The following CSMD2 variants were observed in gnomAD, a reference collection of about 807,000 sequenced individuals.
The protein encoded by CSMD2 is CUB and Sushi multiple domains 2, also known as CUB and sushi domain-containing protein 2.
Under a neutral mutation model 398.5 loss-of-function variants are expected in CSMD2, and 130 were observed. The observed-to-expected ratio is 0.33, with a 90% CI of 0.28 to 0.38. The LOEUF (loss-of-function observed/expected upper bound fraction) is 0.38, where lower values mean the gene tolerates loss of function less well. CSMD2 is among the 10% of genes least tolerant of loss of function. The pLI, the probability that CSMD2 is intolerant of heterozygous loss-of-function variation, is 1.00. For missense variants in CSMD2, 3,829 were observed against 4,764.9 expected, an observed-to-expected ratio of 0.80 and a Z score of 5.78; for synonymous variants, 1,828 against 1,908.5, an observed-to-expected ratio of 0.96 and a Z score of 1.10.
In CSMD2 at chr1:33,624,539, G is replaced by A; in HGVS notation, c.5605C>T (p.Pro1869Ser). 1 of 1,613,894 alleles carries A rather than the reference G, an allele frequency of 6.2e-7. No homozygotes were observed. The highest frequency in any genetic ancestry group is 1.7e-5 in the Admixed American group (1 of 60,024). Residue 1869 changes from proline (P) to serine (S), a missense_variant, in exon 35 of 71, where the codon CCC becomes TCC. This residue lies in a region of CSMD2 where 2,001 missense variants were observed against 2,567.1 expected (regional missense o/e 0.78). Transcript: ENST00000373381. This position sits in a 1 kb window ranked among gnomAD's most constrained non-coding sequence, Gnocchi z 4.7. ...CCTACCTGGATGCCAGCGCCTTCGGGGACCACGATCTTCCACACACAGTTG... is the reference window on the plus strand; with the variant it reads ...CCTACCTGGATGCCAGCGCCTTCGGAGACCACGATCTTCCACACACAGTTG... ...SLNCVWKIVV[P>S]EGAGIQIQVV...
At chr1:33,548,943 TCCTG>T (rs2148622392) in intron 56 of CSMD2, among the ~76,000 whole-genome samples, 1 of 152,304 alleles carries the variant, frequency 6.6e-6, no homozygotes, top group South Asian at 2.1e-4. Flanking sequence ...TCCTATATAG[TCCTG>T]CCCGGTTCCT....
chr1:34,111,982 TTCTCTCTCTCTC>T (rs6143186), intron 1 of CSMD2, among the ~76,000 whole-genome samples: 81,664 of 149,592 alleles, frequency 0.55, 22,911 homozygotes, highest in East Asian at 0.93. Context: ...TTCTTTCAAA[TTCTCTCTCTCTC>T]TCTCTCTCTC....
At chr1:34,019,020 ACTT>A (rs1648519595) in intron 3 of CSMD2, among the ~76,000 whole-genome samples, 1 of 152,196 alleles carries the variant, frequency 6.6e-6, no homozygotes, top group Non-Finnish European at 1.5e-5. Flanking sequence ...TCAAACCCAC[ACTT>A]TACCTCTTAC....
intron 49 of CSMD2, among the ~76,000 whole-genome samples, chr1:33,573,185 A>G (rs1659750831): frequency 6.6e-6 from 1 of 152,190 alleles, no homozygotes; most frequent in African/African-American, 2.4e-5. Flanking sequence ...CCACATACTC[A>G]ACTCAACCTC....
At chr1:33,788,549 C>G (rs61799751) in intron 12 of CSMD2, 51 bp downstream of exon 12, 1 of 1,015,250 alleles carries the variant, frequency 9.8e-7, no homozygotes, top group Non-Finnish European at 1.6e-6. Flanking sequence ...AATCCAGACC[C>G]CGTCTCTGAC....
intron 5 of CSMD2, among the ~76,000 whole-genome samples, chr1:33,872,768 C>A (rs1640564404): frequency 6.6e-6 from 1 of 152,072 alleles, no homozygotes; most frequent in South Asian, 2.1e-4. Context: ...CAGCAGGAAA[C>A]AGGCTGAGAA....
At chr1:33,596,526 T>G (rs1171140974) in intron 44 of CSMD2, among the ~76,000 whole-genome samples, 1 of 152,202 alleles carries the variant, frequency 6.6e-6, no homozygotes, top group Non-Finnish European at 1.5e-5. Flanking sequence ...AGAGGTTTAG[T>G]TGACTCACAG....
intron 3 of CSMD2, among the ~76,000 whole-genome samples, chr1:34,020,836 GCTCGACAAGTGC>G (rs1648780012): frequency 1.3e-5 from 2 of 152,236 alleles, no homozygotes; most frequent in South Asian, 4.1e-4. Context: ...TGTCGAAGGT[GCTCGACAAGTGC>G]CAGTTCCTTT....
chr1:33,602,180 G>C (rs1640269531), intron 43 of CSMD2, among the ~76,000 whole-genome samples, 189 bp downstream of exon 43: 1 of 152,234 alleles, frequency 6.6e-6, no homozygotes, highest in Non-Finnish European at 1.5e-5. Flanking sequence ...CTCCCTTTAA[G>C]GAGCCATAAT....
chr1:33,605,300 G>C lies in CSMD2; in HGVS notation c.6514C>G (p.Pro2172Ala). Residue 2172 changes from proline to alanine, a missense_variant, in exon 42 of 71, where the codon CCC (proline) becomes GCC (alanine). This residue lies in a region of CSMD2 where 723 missense variants were observed against 758.6 expected (regional missense o/e 0.95). Transcript: ENST00000373381. ...GACATACCTTCACACTTGGGCAGGG[G>C]GTGGTCCCAGTTCCGGTTGGTGCCA... ...QHGTNRNWDH[P>A]LPKCEVPCGG... 1 of 1,614,140 alleles carries C rather than the reference G, an allele frequency of 6.2e-7. No individual in the cohort carries two copies. Among genetic ancestry groups the C allele is most frequent in the Non-Finnish European group, 8.5e-7 (1 of 1,180,012 alleles).
At position 33,810,728 on chromosome 1, in the gene CSMD2, C is replaced by T. The variant is rs1351949668; in HGVS notation, c.1446+15G>A. On this transcript the variant is annotated intron_variant, in intron 10 of 70. Transcript: ENST00000373381. ...CCTGCCCACAGAACACCACCCCGCT[C>T]CCCAAGAGGCTTACCTTGGAGGGGT... is the stretch of plus-strand genomic sequence containing the variant. 1.2e-6 allele frequency: 2 copies of T among 1,612,112 alleles called. No homozygotes were observed. Among genetic ancestry groups the T allele is most frequent in the Non-Finnish European group, 1.7e-6 (2 of 1,179,196 alleles).
At chr1:33,830,364 G>A (rs535299782) in intron 6 of CSMD2, among the ~76,000 whole-genome samples, 12 of 152,298 alleles carry the variant, frequency 7.9e-5, no homozygotes, top group South Asian at 6.2e-4. Context: ...AAAATCTGCT[G>A]TTCTGCAGAC....
intron 44 of CSMD2, among the ~76,000 whole-genome samples, chr1:33,598,202 T>A (rs563340387): frequency 6.6e-6 from 1 of 152,218 alleles, no homozygotes; most frequent in South Asian, 2.1e-4. Flanking sequence ...ATGGTGTTCA[T>A]TTTATTACTC....
At chr1:33,649,228 T>G (rs551714045) in intron 28 of CSMD2, among the ~76,000 whole-genome samples, 1 of 152,320 alleles carries the variant, frequency 6.6e-6, no homozygotes, top group South Asian at 2.1e-4. Flanking sequence ...GATGCAAATT[T>G]GCTCCTGCCC....
chr1:33,665,460 C>CTTTT lies in CSMD2; in HGVS notation c.4053-2372_4053-2369dup, dbSNP rs745495781. Among the ~76,000 whole-genome samples, 36 of 73,928 alleles carry CTTTT rather than the reference C, an allele frequency of 4.9e-4. 3 individuals are homozygous for CTTTT. Among genetic ancestry groups the CTTTT allele is most frequent in the African/African-American group, 1.0e-3 (19 of 18,114 alleles). 48.5% of individuals were successfully genotyped at this position (73,928 alleles called of 152,430 possible). ...GACTTGTATAGTTTCTTTCTTCTCT[C>CTTTT]TTTTTTTTTTTTTTTTTTTTTTTTT... is the stretch of plus-strand genomic sequence containing the variant. On this transcript the variant is annotated intron_variant, in intron 25 of 70. Transcript: ENST00000373381.
At chr1:33,611,714 T>C (rs1044714860) in intron 40 of CSMD2, among the ~76,000 whole-genome samples, 1 of 152,230 alleles carries the variant, frequency 6.6e-6, no homozygotes, top group Non-Finnish European at 1.5e-5. Context: ...GAAGTATACA[T>C]TGTCCCCTCT....
intron 13 of CSMD2, chr1:33,771,992 G>A (rs1651334156): frequency 6.6e-6 from 1 of 152,284 alleles, no homozygotes; most frequent in African/African-American, 2.4e-5. Context: ...AGGAAGAAGG[G>A]CTTCTTTGTT....
chr1:33,593,486 T>C (rs529344424), intron 44 of CSMD2, among the ~76,000 whole-genome samples: 7 of 152,328 alleles, frequency 4.6e-5, no homozygotes, highest in African/African-American at 1.7e-4. Context: ...TCTCACATGG[T>C]GGCAGACAAG....
intron 2 of CSMD2, among the ~76,000 whole-genome samples, chr1:34,070,402 G>A (rs1017398897): frequency 1.3e-5 from 2 of 152,220 alleles, no homozygotes; most frequent in Non-Finnish European, 2.9e-5. Context: ...GGCTCCTGTG[G>A]CTGGAGGGCA....
Sources: gnomAD v4.1 joint callset for allele counts (sites outside exome capture counted in the v4.1 genomes callset) on GRCh38, gnomAD v4.1.1 for gene constraint, gnomAD v4.1.1 regional missense constraint, Gnocchi (gnomAD v3.1) non-coding constraint, MANE v1.5 for transcripts, NCBI Gene and HGNC (gene_info 2026-07-23, HGNC 2026-07-21) for gene names.